Variants in BARX2 observed in about 807,000 individuals in gnomAD.
BARX2 encodes BARX homeobox 2.
BARX2 carries 11 observed loss-of-function variants against 25.5 expected under a neutral mutation model. The observed-to-expected ratio is 0.43, with a 90% CI of 0.27 to 0.71. BARX2 has a LOEUF of 0.71. Ranked by LOEUF, BARX2 falls within the 30% of genes least tolerant of loss-of-function variation. The probability of loss-of-function intolerance (pLI) is 0.19; values close to 1 mark genes in which losing one functional copy is unlikely to be tolerated. For missense variants in BARX2, 360 were observed against 359.9 expected (o/e 1.00, Z 0.00); for synonymous variants, 137 against 149.5 (o/e 0.92, Z 0.61).
Position 129,423,040 on chromosome 11 carries a change from C to A in BARX2, c.188-13711C>A, listed in dbSNP as rs1014000512. On this transcript the variant is annotated intron_variant, in intron 1 of 3. Coordinates refer to ENST00000281437, the MANE Select transcript of BARX2 (RefSeq NM_003658.5). ...CTTTTATCTCCCTTTGTTTTTAATT[C>A]TTTGCAACTAAGTCAAGCCATAGAG... Among the ~76,000 whole-genome samples the A allele has an allele frequency of 2.6e-5, 4 of 151,388 alleles. 1 individual carries two copies. Among genetic ancestry groups the A allele is most frequent in the South Asian group, 2.1e-4 (1 of 4,798 alleles).
At chr11:129,422,705 CTTT>C (rs35370470) in intron 1 of BARX2, among the ~76,000 whole-genome samples, 14 of 136,674 alleles carry the variant, frequency 1.0e-4, no homozygotes, top group Admixed American at 2.2e-4. Flanking sequence ...ATTTTATTCT[CTTT>C]TTTTTTTTTT....
At chr11:129,430,595 A>C (rs1862118119) in intron 1 of BARX2, among the ~76,000 whole-genome samples, 1 of 152,168 alleles carries the variant, frequency 6.6e-6, no homozygotes, top group Non-Finnish European at 1.5e-5. Flanking sequence ...TGACAAATGC[A>C]AAAAATTATA....
At chr11:129,415,505 C>G (rs1451725321) in intron 1 of BARX2, among the ~76,000 whole-genome samples, 1 of 152,122 alleles carries the variant, frequency 6.6e-6, no homozygotes, top group Non-Finnish European at 1.5e-5. Context: ...CTGCTGGGCC[C>G]ACTGGTCATA....
Position 129,376,076 on chromosome 11 carries a change from A to C in BARX2, c.41A>C (p.Gln14Pro), listed in dbSNP as rs1208118864. Reference protein sequence around the residue: ...HAELRLSSPGQLKAARRRYKT... With the variant: ...HAELRLSSPGPLKAARRRYKT... ...GAGCTGAGGCTGAGCTCGCCCGGCC[A>C]GCTCAAAGCAGCCAGGCGGCGCTAC... Residue 14 changes from glutamine to proline, a missense_variant, in exon 1 of 4, where the codon CAG becomes CCG. By Grantham distance (76) the Gln-to-Pro change is moderately conservative. Around this residue, in one of 3 missense-constraint regions of BARX2, gnomAD observed 240 missense variants for 228.7 expected, o/e 1.05. Transcript: ENST00000281437. This position sits in a 1 kb window ranked among gnomAD's most constrained non-coding sequence, Gnocchi z 4.2. 3 of 1,608,084 alleles carry C rather than the reference A, an allele frequency of 1.9e-6. No homozygotes were observed. Among genetic ancestry groups the C allele is most frequent in the Non-Finnish European group, 2.5e-6 (3 of 1,177,616 alleles).
At chr11:129,440,187 G>T (rs1862240529) in intron 2 of BARX2, among the ~76,000 whole-genome samples, 1 of 152,246 alleles carries the variant, frequency 6.6e-6, no homozygotes, top group South Asian at 2.1e-4. Context: ...AAGCGAATAT[G>T]CAGGGAAGTG....
At chr11:129,428,712 G>A (rs185610594) in intron 1 of BARX2, among the ~76,000 whole-genome samples, 221 of 152,270 alleles carry the variant, frequency 1.5e-3, no homozygotes, top group African/African-American at 5.1e-3. Flanking sequence ...CATTCCAGCC[G>A]TGCCTGTTCT....
At chr11:129,402,197 C>T (rs867019788) in intron 1 of BARX2, among the ~76,000 whole-genome samples, 2 of 152,010 alleles carry the variant, frequency 1.3e-5, no homozygotes, top group Non-Finnish European at 1.5e-5. Flanking sequence ...TAAGAGGCAT[C>T]GCTGTATACC....
At chr11:129,421,195 C>A (rs548503970) in intron 1 of BARX2, among the ~76,000 whole-genome samples, 46 of 152,276 alleles carry the variant, frequency 3.0e-4, no homozygotes, top group Admixed American at 3.0e-3. Flanking sequence ...TGCTGTTATT[C>A]CTGTGGTTAC....
At chr11:129,428,910 C>T (rs141509088) in intron 1 of BARX2, among the ~76,000 whole-genome samples, 2,558 of 151,998 alleles carry the variant, frequency 0.017, 46 homozygotes, top group Non-Finnish European at 0.023. Context: ...ACTCTTAGAG[C>T]GGAATTTGCA....
Position 129,376,821 on chromosome 11 carries a change from C to G in BARX2, c.187+599C>G, listed in dbSNP as rs780437223. On this transcript the variant is annotated intron_variant, in intron 1 of 3. Transcript: ENST00000281437. The surrounding 1 kb of genome is among the most constrained non-coding windows in gnomAD (Gnocchi z 4.2). ...CTTAAGTCAAGCCGAAAAGGTCACC[C>G]TCGTTTGTCTTAAGTGACCAAAACC... is the stretch of plus-strand genomic sequence containing the variant. Among the ~76,000 whole-genome samples the G allele has an allele frequency of 6.6e-6, 1 of 152,190 alleles. No individual in the cohort carries two copies. Among genetic ancestry groups the G allele is most frequent in the Non-Finnish European group, 1.5e-5 (1 of 68,036 alleles).
rs540386237 is a variant in BARX2, at chr11:129,445,077, C to A, written c.573+2158C>A. Among the ~76,000 whole-genome samples, 104 of 152,008 alleles carry A rather than the reference C, an allele frequency of 6.8e-4. 1 individual carries two copies. The highest frequency in any genetic ancestry group is 2.4e-3 in the African/African-American group (99 of 41,492). On this transcript the variant is annotated intron_variant, in intron 3 of 3. Transcript: ENST00000281437. ...CAAGAAATTGAAGGAAGAATGGATT[C>A]GGTTAAATAGTCTTCCAAAAACTCT...
At chr11:129,439,848 G>A (rs1221687271) in intron 2 of BARX2, among the ~76,000 whole-genome samples, 2 of 152,168 alleles carry the variant, frequency 1.3e-5, no homozygotes, top group African/African-American at 4.8e-5. Context: ...TAGCACGGTG[G>A]TATGTCAGAC....
chr11:129,433,332 T>C (rs1429562396), intron 1 of BARX2, among the ~76,000 whole-genome samples: 3 of 152,214 alleles, frequency 2.0e-5, no homozygotes, highest in African/African-American at 7.2e-5. Context: ...GCCTCTGGTC[T>C]ACTGGCCTCC....
At chr11:129,447,083 C>T (rs1259890940) in intron 3 of BARX2, among the ~76,000 whole-genome samples, 2 of 152,182 alleles carry the variant, frequency 1.3e-5, no homozygotes, top group East Asian at 3.8e-4. Context: ...CTGTTAGACT[C>T]AAATGGTCAG....
chr11:129,380,966 A>G (rs970376076), intron 1 of BARX2, among the ~76,000 whole-genome samples: 4 of 152,066 alleles, frequency 2.6e-5, no homozygotes, highest in African/African-American at 9.7e-5. Flanking sequence ...TAGTAGAGAC[A>G]GGGTTTCACC....
chr11:129,404,843 A>G (rs1861813681), intron 1 of BARX2, among the ~76,000 whole-genome samples: 1 of 151,876 alleles, frequency 6.6e-6, no homozygotes, highest in Non-Finnish European at 1.5e-5. Context: ...TGAATGGAGC[A>G]CTCTCTCAGC....
chr11:129,379,907 A>G (rs914037224), intron 1 of BARX2, among the ~76,000 whole-genome samples: 2 of 151,990 alleles, frequency 1.3e-5, no homozygotes, highest in African/African-American at 4.8e-5. Flanking sequence ...TGAGACTTTT[A>G]ATTATTCCAC....
At chr11:129,440,797 G>A (rs1862246936) in intron 2 of BARX2, among the ~76,000 whole-genome samples, 1 of 152,192 alleles carries the variant, frequency 6.6e-6, no homozygotes, top group African/African-American at 2.4e-5. Context: ...CTCCCCAGGT[G>A]GAGAGCTGCA....
chr11:129,401,034 G>C (rs1286369367), intron 1 of BARX2, among the ~76,000 whole-genome samples: 1 of 152,186 alleles, frequency 6.6e-6, no homozygotes, highest in African/African-American at 2.4e-5. Context: ...AGCAGTACCA[G>C]TGATATCTGG....
Sources: gnomAD v4.1 joint callset for allele counts (sites outside exome capture counted in the v4.1 genomes callset) on GRCh38, gnomAD v4.1.1 for gene constraint, gnomAD v4.1.1 regional missense constraint, Gnocchi (gnomAD v3.1) non-coding constraint, MANE v1.5 for transcripts, NCBI Gene and HGNC (gene_info 2026-07-23, HGNC 2026-07-21) for gene names.